Variants in MUC12 observed in about 807,000 individuals in gnomAD.
MUC12 encodes mucin-12.
Under a neutral mutation model 230.8 loss-of-function variants are expected in MUC12, and 172 were observed. That is an observed-to-expected ratio of 0.75 (90% CI 0.66 to 0.85). The LOEUF is 0.85. MUC12 is among the 40% of genes least tolerant of loss of function. The pLI is 0.00. For missense variants in MUC12, 3,506 were observed against 5,920.6 expected (o/e 0.59, Z 13.38); for synonymous variants, 1,259 against 2,401.9 (o/e 0.52, Z 13.91).
intron 1 of MUC12, among the ~76,000 whole-genome samples, chr7:100,971,735 GTCT>G (rs1188260344): frequency 1.3e-5 from 2 of 152,430 alleles, no homozygotes; most frequent in Middle Eastern, 3.4e-3. Flanking sequence ...GCCTGGATGG[GTCT>G]TAGGAGGGGT....
Position 100,991,261 on chromosome 7 carries a change from C to T in MUC12, c.698C>T (p.Thr233Ile). The T allele has an allele frequency of 6.5e-7, 1 of 1,537,692 alleles. No homozygotes were observed. Among genetic ancestry groups the T allele is most frequent in the Non-Finnish European group, 8.7e-7 (1 of 1,146,992 alleles). ...TFHSSPGYTK[T>I]TRLPDNTTTS... Reference sequence around the variant, plus strand: ...CACAGCAGCCCAGGCTACACTAAAACAACACGCTTACCTGACAACACCACA... The same window carrying T: ...CACAGCAGCCCAGGCTACACTAAAATAACACGCTTACCTGACAACACCACA... The change falls in exon 2 of 12, where the codon ACA becomes ATA. Residue 233 changes from threonine to isoleucine, a missense_variant. By Grantham distance (89) the Thr-to-Ile change is moderately conservative (BLOSUM62 -1). Transcript: ENST00000536621.
rs566325862 is a variant in MUC12, at chr7:100,977,756, C to T, written c.67+8067C>T. On this transcript the variant is annotated intron_variant, in intron 1 of 11. Transcript: ENST00000536621. ...TTTGTATTTTTTTTTCTTGTAGAGA[C>T]GGGGTCTTGCTATGTTGCCCAGGCT... is the stretch of plus-strand genomic sequence containing the variant. Among the ~76,000 whole-genome samples, 11 of 151,544 alleles carry T rather than the reference C, an allele frequency of 7.3e-5. No individual in the cohort carries two copies. The South Asian group carries it at 1.9e-3, about 26-fold the overall frequency.
chr7:100,975,033 G>GGCCT (rs1214782755), intron 1 of MUC12, among the ~76,000 whole-genome samples: 1 of 144,592 alleles, frequency 6.9e-6, no homozygotes, highest in Non-Finnish European at 1.6e-5. Context: ...TCTCCAGTTG[G>GGCCT]GCCTGTTGAG....
At chr7:100,971,789 C>T (rs1792904898) in intron 1 of MUC12, among the ~76,000 whole-genome samples, 1 of 152,312 alleles carries the variant, frequency 6.6e-6, no homozygotes, top group Non-Finnish European at 1.5e-5. Context: ...TAGCAGATCT[C>T]TGTAGTCAGA....
intron 1 of MUC12, among the ~76,000 whole-genome samples, chr7:100,978,582 G>C (rs1488594826): frequency 6.6e-6 from 1 of 152,116 alleles, no homozygotes; most frequent in Admixed American, 6.6e-5. Context: ...TCCACACCCC[G>C]TGGGGGCTCC....
At chr7:100,990,252 A>G (rs1156284320) in intron 1 of MUC12, among the ~76,000 whole-genome samples, 1 of 152,152 alleles carries the variant, frequency 6.6e-6, no homozygotes, top group Admixed American at 6.5e-5. Context: ...AGGAGGACTA[A>G]CCCTGCTGTG....
At chr7:100,982,074 C>T (rs1448748401) in intron 1 of MUC12, among the ~76,000 whole-genome samples, 1 of 152,048 alleles carries the variant, frequency 6.6e-6, no homozygotes. Context: ...ACCGTGTTGG[C>T]CAGGCTGGTC....
Position 100,991,706 on chromosome 7 carries a change from C to A in MUC12, c.1143C>A (p.Gly381=). The change falls in exon 2 of 12, where the codon GGC becomes GGA. Residue 381 remains glycine, a synonymous_variant. Coordinates refer to ENST00000536621, the MANE Select transcript of MUC12 (RefSeq NM_001164462.2). ...TCCCTGAAAGCTCCACAACTTCAGG[C>A]CATAGTGAAGAATCAGCAACTTTCC... ...MHFPESSTTS[G]HSEESATFHG... 2 of 1,537,974 alleles carry A rather than the reference C, an allele frequency of 1.3e-6. No individual in the cohort carries two copies. Among genetic ancestry groups the A allele is most frequent in the Middle Eastern group, 1.7e-4 (1 of 5,996 alleles).
At position 101,004,680 on chromosome 7, in the gene MUC12, G is replaced by T. The variant is rs756830833; in HGVS notation, c.14117G>T (p.Gly4706Val). The change falls in exon 2 of 12, where the codon GGC (glycine) becomes GTC (valine). Residue 4706 changes from glycine (G) to valine (V), a missense_variant. Transcript: ENST00000536621. Reference protein sequence around the residue: ...TPLPAHFTTSGRIAESTTFYI... With the variant: ...TPLPAHFTTSVRIAESTTFYI... ...TTACCTGCCCATTTTACTACCTCAG[G>T]CCGCATTGCAGAATCTACCACCTTC... The T allele has an allele frequency of 2.8e-5, 43 of 1,537,516 alleles. No individual in the cohort carries two copies. The highest frequency in any genetic ancestry group is 4.1e-5 in the African/African-American group (3 of 72,910).
In MUC12 at chr7:101,004,777, TA is replaced by T. The variant is rs1793708006; in HGVS notation, c.14215del (p.Thr4739ProfsTer19). 1.8e-5 allele frequency: 28 copies of T among 1,537,562 alleles called. No individual in the cohort carries two copies. Among genetic ancestry groups the T allele is most frequent in the Non-Finnish European group, 2.3e-5 (26 of 1,147,030 alleles). On this transcript the variant is annotated frameshift_variant, in exon 2 of 12. Transcript: ENST00000536621. LOFTEE classifies it high-confidence loss of function. Reference sequence around the variant, plus strand: ...CAACACCAGGCCTCAGTGCAAAATCTACCATCCTTTACAGTAGCTCCAGATC... The same window carrying T: ...CAACACCAGGCCTCAGTGCAAAATCTCCATCCTTTACAGTAGCTCCAGATC... Reference protein sequence around the residue: ...ATTPGLSAKSTILYSSSRSPD... With the variant: ...ATTPGLSAKSXILYSSSRSPD...
In MUC12 at chr7:100,979,270, G is replaced by A. The variant is rs1442068625; in HGVS notation, c.67+9581G>A. Among the ~76,000 whole-genome samples the A allele has an allele frequency of 2.6e-5, 4 of 152,090 alleles. No individual in the cohort carries two copies. The East Asian group carries it at 7.7e-4, about 29-fold the overall frequency. Reference sequence around the variant, plus strand: ...AAACTTTACCTGCTTAGCAGGAGAGGGAGCTGGCATCTTTAATGACCAGTG... The same window carrying A: ...AAACTTTACCTGCTTAGCAGGAGAGAGAGCTGGCATCTTTAATGACCAGTG... On this transcript the variant is annotated intron_variant, in intron 1 of 11. Coordinates refer to ENST00000536621, the MANE Select transcript of MUC12 (RefSeq NM_001164462.2).
Position 101,004,559 on chromosome 7 carries a change from G to T in MUC12, c.13996G>T (p.Ala4666Ser), listed in dbSNP as rs761071668. Residue 4666 changes from alanine to serine, a missense_variant, in exon 2 of 12, where the codon GCA becomes TCA. Physicochemically the swap from Ala to Ser is moderately conservative, Grantham distance 99. Coordinates refer to ENST00000536621, the MANE Select transcript of MUC12 (RefSeq NM_001164462.2). ...TSYHSSPGSI[A>S]TTHFPESSTT... is the part of the protein sequence containing the mutation. Reference sequence around the variant, plus strand: ...CTACCACAGCAGCCCGGGCTCAATTGCAACAACACACTTTCCTGAGAGCTC... The same window carrying T: ...CTACCACAGCAGCCCGGGCTCAATTTCAACAACACACTTTCCTGAGAGCTC... 1.3e-6 allele frequency: 2 copies of T among 1,536,186 alleles called. No individual in the cohort carries two copies. The highest frequency in any genetic ancestry group is 1.7e-6 in the Non-Finnish European group (2 of 1,146,614).
At chr7:100,988,199 G>C (rs916462796) in intron 1 of MUC12, among the ~76,000 whole-genome samples, 1 of 149,100 alleles carries the variant, frequency 6.7e-6, no homozygotes, top group Non-Finnish European at 1.5e-5. Context: ...TCAGGAGGCT[G>C]TCAGGAGAAT....
At position 101,015,651 on chromosome 7, in the gene MUC12, A is replaced by AG; in HGVS notation, c.15839dup (p.Thr5281HisfsTer24). ...ATGTGCCTCAAGAGTGGCGAAAGGA[A>AG]GGCACCCCTGGCATCTTCCAGAAGA... On this transcript the variant is annotated frameshift_variant, in exon 10 of 12. Transcript: ENST00000536621. LOFTEE classifies it high-confidence loss of function. 6.5e-7 allele frequency: 1 copy of AG among 1,537,662 alleles called. No homozygotes were observed. The highest frequency in any genetic ancestry group is 8.7e-7 in the Non-Finnish European group (1 of 1,146,998).
Position 101,018,583 on chromosome 7 carries a change from C to G in MUC12, c.15967-12C>G. Reference sequence around the variant, plus strand: ...TGCCCCTTGGCCTCACCTCTTCTCTCCCGTCCCCCAGCTCCACATCCAGAG... The same window carrying G: ...TGCCCCTTGGCCTCACCTCTTCTCTGCCGTCCCCCAGCTCCACATCCAGAG... On this transcript the variant is annotated splice_polypyrimidine_tract_variant and intron_variant, in intron 11 of 11. Transcript: ENST00000536621. 6.5e-7 allele frequency: 1 copy of G among 1,536,186 alleles called. No individual in the cohort carries two copies. Among genetic ancestry groups the G allele is most frequent in the South Asian group, 1.2e-5 (1 of 84,012 alleles).
chr7:100,978,035 C>A (rs557654954), intron 1 of MUC12, among the ~76,000 whole-genome samples: 1 of 152,284 alleles, frequency 6.6e-6, no homozygotes, highest in South Asian at 2.1e-4. Flanking sequence ...TCTTGAGATC[C>A]TTGACTTAAT....
chr7:101,008,467 C>T (rs1371740045), intron 3 of MUC12, among the ~76,000 whole-genome samples, 167 bp from the exon 4 acceptor site: 1 of 152,126 alleles, frequency 6.6e-6, no homozygotes, highest in African/African-American at 2.4e-5. Flanking sequence ...GTCCCTTTCC[C>T]TCCTGGCCAC....
At chr7:100,981,314 T>A in intron 1 of MUC12, 1 of 514,008 alleles carries the variant, frequency 1.9e-6, no homozygotes, top group South Asian at 2.6e-5. Context: ...GAATCCCAGG[T>A]TGGGAGGGGT....
In MUC12 at chr7:100,995,837, C is replaced by G. The variant is rs1584835946; in HGVS notation, c.5274C>G (p.Ala1758=). ...CAACTGCAACAACACCCTCGCCTGC[C>G]CGCTCCACAACCTCAGGCCTCGTTG... ...PVATATTPSP[A]RSTTSGLVEE... Residue 1758 remains alanine, a synonymous_variant, in exon 2 of 12, where the codon GCC becomes GCG. Coordinates refer to ENST00000536621, the MANE Select transcript of MUC12 (RefSeq NM_001164462.2). 1.4e-6 allele frequency: 2 copies of G among 1,461,610 alleles called. No homozygotes were observed. The highest frequency in any genetic ancestry group is 1.8e-6 in the Non-Finnish European group (2 of 1,090,624). The allele number at this position is 1,461,610 out of a possible 1,614,324, so 90.5% of individuals were successfully genotyped here.
Sources: allele counts gnomAD v4.1 joint callset (sites outside exome capture counted in the v4.1 genomes callset), GRCh38; gene constraint gnomAD v4.1.1; transcripts MANE v1.5; gene names NCBI Gene and HGNC (gene_info 2026-07-23, HGNC 2026-07-21).